GPR137: variants seen among roughly 807,000 people sequenced by gnomAD.
GPR137 encodes the protein integral membrane protein GPR137.
In GPR137, 20 loss-of-function variants were observed where a neutral mutation model predicts 38.9. The observed-to-expected ratio is 0.51, with a 90% CI of 0.36 to 0.75. The LOEUF (loss-of-function observed/expected upper bound fraction) is 0.75, where lower values mean the gene tolerates loss of function less well. GPR137 is among the 30% of genes least tolerant of loss of function. GPR137 has a pLI of 0.00. For missense variants in GPR137, 456 were observed against 526.4 expected (o/e 0.87, Z 1.31); for synonymous variants, 226 against 235.8 (o/e 0.96, Z 0.38).
In GPR137 at chr11:64,289,095, T is replaced by A. The variant is rs770946965; in HGVS notation, c.1090T>A (p.Trp364Arg). The change falls in exon 7 of 7, where the codon TGG becomes AGG. Residue 364 changes from tryptophan (W) to arginine (R), a missense_variant. Transcript: ENST00000438980. Reference sequence around the variant, plus strand: ...TGGTGCCATCGGGCGTGAGCCGGGCTGGTATGGGGGCAGCCAGACGAAGAC... The same window carrying A: ...TGGTGCCATCGGGCGTGAGCCGGGCAGGTATGGGGGCAGCCAGACGAAGAC... ...WYGAIGREPG[W>R]YGGSQTKTTP... 2 of 1,612,136 alleles carry A rather than the reference T, an allele frequency of 1.2e-6. No homozygotes were observed. The highest frequency in any genetic ancestry group is 1.1e-5 in the South Asian group (1 of 91,066).
upstream of GPR137, chr11:64,271,757 C>A: frequency 6.9e-7 from 1 of 1,445,624 alleles, no homozygotes; most frequent in African/African-American, 1.5e-5. Flanking sequence ...CCTCCGTCCC[C>A]GCGGGGTAGG....
chr11:64,282,474 C>A (rs1345615519), upstream of GPR137, among the ~76,000 whole-genome samples: 1 of 152,152 alleles, frequency 6.6e-6, no homozygotes, highest in African/African-American at 2.4e-5. Context: ...GTGGCATGCA[C>A]CTGTGGTCCC....
chr11:64,281,144 T>G (rs925727966), upstream of GPR137, among the ~76,000 whole-genome samples: 35 of 152,264 alleles, frequency 2.3e-4, 1 homozygote, highest in African/African-American at 8.2e-4. Context: ...ATTTTTTGTA[T>G]TTTTAGTGGA....
In GPR137 at chr11:64,288,129, C is replaced by A; in HGVS notation, c.698C>A (p.Ala233Asp). ...GAMVLLYASR[A>D]CYNLTALALA... Reference sequence around the variant, plus strand: ...ATGGTCCTGCTCTATGCCAGCCGGGCCTGCTACAACCTGACAGCACTGGCC... The same window carrying A: ...ATGGTCCTGCTCTATGCCAGCCGGGACTGCTACAACCTGACAGCACTGGCC... The change falls in exon 4 of 7, where the codon GCC becomes GAC. Residue 233 changes from alanine to aspartate, a missense_variant. Transcript: ENST00000438980. This position sits in a 1 kb window ranked among gnomAD's most constrained non-coding sequence, Gnocchi z 5.5. The A allele has an allele frequency of 2.5e-6, 4 of 1,612,810 alleles. No individual in the cohort carries two copies. The highest frequency in any genetic ancestry group is 2.5e-6 in the Non-Finnish European group (3 of 1,180,004).
At chr11:64,285,333 G>A (rs1426895280), upstream of GPR137, 10 of 985,386 alleles carry the variant, frequency 1.0e-5, no homozygotes, top group African/African-American at 3.5e-5. Context: ...CGGTGAGGGA[G>A]GACCGTAGGG....
upstream of GPR137, chr11:64,271,715 G>C: frequency 1.4e-6 from 2 of 1,461,090 alleles, no homozygotes; most frequent in Non-Finnish European, 1.8e-6. Context: ...GGCCCCGAAA[G>C]GGGCTGGGCT....
At chr11:64,284,065 T>C (rs945321999), upstream of GPR137, 2 of 1,241,154 alleles carry the variant, frequency 1.6e-6, no homozygotes, top group Admixed American at 5.0e-5. Flanking sequence ...AAACTGGGGC[T>C]CTGAGAGTTT....
upstream of GPR137, chr11:64,271,623 T>G: frequency 1.3e-6 from 2 of 1,490,558 alleles, no homozygotes; most frequent in East Asian, 2.8e-5. Context: ...CTTAAAGGAG[T>G]CCACAAACTC....
chr11:64,272,688 G>A (rs928625848), upstream of GPR137: 7 of 152,276 alleles, frequency 4.6e-5, no homozygotes, highest in African/African-American at 1.7e-4. Flanking sequence ...GCTTAGGTGA[G>A]AAGACAGAAG....
upstream of GPR137, chr11:64,285,383 G>A: frequency 1.0e-6 from 1 of 985,086 alleles, no homozygotes; most frequent in Non-Finnish European, 1.2e-6. Context: ...CCGGCCAGGT[G>A]AGCAGGGCCG....
upstream of GPR137, among the ~76,000 whole-genome samples, chr11:64,280,134 G>A (rs1012881954): frequency 1.1e-4 from 17 of 151,462 alleles, no homozygotes; most frequent in South Asian, 1.5e-3. Context: ...TGGCTAACAT[G>A]GTGAAACCCC....
At chr11:64,283,152 A>G (rs569875020), upstream of GPR137, among the ~76,000 whole-genome samples, 2 of 152,316 alleles carry the variant, frequency 1.3e-5, no homozygotes, top group African/African-American at 4.8e-5. Context: ...GCGAGGGGAA[A>G]GAGGCCTCTT....
chr11:64,287,679 G>C, intron 2 of GPR137, 42 bp from the exon 3 acceptor site: 1 of 1,598,130 alleles, frequency 6.3e-7, no homozygotes, highest in African/African-American at 1.3e-5. Flanking sequence ...GGTGAGTGCT[G>C]AGGGCTGTTG....
upstream of GPR137, chr11:64,285,417 G>A (rs2033845323): frequency 2.0e-6 from 2 of 984,462 alleles, no homozygotes; most frequent in African/African-American, 1.7e-5. Context: ...GCGAGGGGCG[G>A]GCCCGCGCGG....
chr11:64,284,968 T>C (rs994700404), upstream of GPR137: 13 of 1,384,494 alleles, frequency 9.4e-6, no homozygotes, highest in Middle Eastern at 2.4e-4. Flanking sequence ...CAACAAGTCC[T>C]TCAGCCCCTC....
In GPR137 at chr11:64,288,029, C is replaced by G. The variant is rs767258799; in HGVS notation, c.634-36C>G. The G allele has an allele frequency of 6.2e-7, 1 of 1,606,006 alleles. No homozygotes were observed. The highest frequency in any genetic ancestry group is 8.5e-7 in the Non-Finnish European group (1 of 1,179,908). On this transcript the variant is annotated intron_variant, in intron 3 of 6. Transcript: ENST00000438980. The surrounding 1 kb of genome is among the most constrained non-coding windows in gnomAD (Gnocchi z 5.5). ...GGGTGTAGAGGAAGCTGGGAGCCTT[C>G]TCTCCCTGAGGGTCCTCTGTTGTTA...
At chr11:64,271,761 G>T, upstream of GPR137, 1 of 1,415,656 alleles carries the variant, frequency 7.1e-7, no homozygotes. Flanking sequence ...CGTCCCCGCG[G>T]GGTAGGAGCT....
upstream of GPR137, among the ~76,000 whole-genome samples, chr11:64,281,194 C>G (rs914035653): frequency 6.6e-6 from 1 of 152,078 alleles, no homozygotes; most frequent in Non-Finnish European, 1.5e-5. Flanking sequence ...TCTCTATCTC[C>G]TGACCTCATG....
At chr11:64,285,028 G>A (rs2033796872), upstream of GPR137, 3 of 1,188,192 alleles carry the variant, frequency 2.5e-6, no homozygotes, top group Non-Finnish European at 3.2e-6. Flanking sequence ...AGCTCCCCCG[G>A]GAGCCAGTGA....
Sources: gnomAD v4.1 joint callset for allele counts (sites outside exome capture counted in the v4.1 genomes callset) on GRCh38, gnomAD v4.1.1 for gene constraint, Gnocchi (gnomAD v3.1) non-coding constraint, MANE v1.5 for transcripts, NCBI Gene and HGNC (gene_info 2026-07-23, HGNC 2026-07-21) for gene names.